PTPRT: variants seen among roughly 807,000 people sequenced by gnomAD.
PTPRT encodes the protein receptor-type tyrosine-protein phosphatase T.
Under a neutral mutation model 176.8 loss-of-function variants are expected in PTPRT, and 56 were observed. The observed-to-expected ratio is 0.32, with a 90% CI of 0.26 to 0.40. PTPRT has a LOEUF of 0.40. Ranked by LOEUF, PTPRT falls within the 10% of genes least tolerant of loss-of-function variation. The probability of loss-of-function intolerance (pLI) is 1.00; values close to 1 mark genes in which losing one functional copy is unlikely to be tolerated. For synonymous variants in PTPRT, 783 were observed against 739.0 expected (o/e 1.06, Z -0.96); for missense variants, 1,540 against 1,908.2 (o/e 0.81, Z 3.60).
chr20:42,434,305 C>T (rs1472275793), intron 9 of PTPRT, among the ~76,000 whole-genome samples: 1 of 150,684 alleles, frequency 6.6e-6, no homozygotes, highest in Admixed American at 6.6e-5. Flanking sequence ...TTGCCTTAAC[C>T]TTGACTCAAG....
intron 7 of PTPRT, among the ~76,000 whole-genome samples, chr20:42,496,665 C>T (rs2071660156): frequency 6.7e-6 from 1 of 150,118 alleles, no homozygotes; most frequent in Admixed American, 6.6e-5. Flanking sequence ...GCCATATCCA[C>T]AATCTCTTTC....
At position 42,528,956 on chromosome 20, in the gene PTPRT, C is replaced by G. The variant is rs1323098983; in HGVS notation, c.1154-56394G>C. Among the ~76,000 whole-genome samples, 5 of 152,320 alleles carry G rather than the reference C, an allele frequency of 3.3e-5. No individual in the cohort carries two copies. The East Asian group carries it at 9.6e-4, about 29-fold the overall frequency. On this transcript the variant is annotated intron_variant, in intron 7 of 30. Transcript: ENST00000373187. ...TTTGTGTCCTGACTTTTTGTTCATACAACTCGCTCTCTATGACCGTGTCAA... is the reference window on the plus strand; with the variant it reads ...TTTGTGTCCTGACTTTTTGTTCATAGAACTCGCTCTCTATGACCGTGTCAA...
intron 2 of PTPRT, among the ~76,000 whole-genome samples, chr20:42,837,159 G>C (rs898324914): frequency 1.3e-5 from 2 of 152,212 alleles, no homozygotes; most frequent in South Asian, 4.1e-4. Context: ...CAGGAGCTGG[G>C]GGTGGGCCCT....
intron 17 of PTPRT, among the ~76,000 whole-genome samples, chr20:42,153,490 G>C (rs1289857100): frequency 1.3e-5 from 2 of 152,106 alleles, no homozygotes; most frequent in Non-Finnish European, 1.5e-5. Context: ...TGCTCACTTG[G>C]TTGGGGGAGA....
At chr20:42,413,141 C>T (rs1436054409) in intron 9 of PTPRT, among the ~76,000 whole-genome samples, 1 of 151,960 alleles carries the variant, frequency 6.6e-6, no homozygotes, top group East Asian at 1.9e-4. Context: ...TTTGCCCAAC[C>T]CTACCACCAT....
At chr20:43,133,974 A>G (rs2013735296) in intron 1 of PTPRT, among the ~76,000 whole-genome samples, 1 of 152,122 alleles carries the variant, frequency 6.6e-6, no homozygotes, top group Non-Finnish European at 1.5e-5. Context: ...CCTGCATTAG[A>G]AAAAAGACTG....
At chr20:42,402,814 GT>G (rs2058922164) in intron 9 of PTPRT, among the ~76,000 whole-genome samples, 1 of 151,618 alleles carries the variant, frequency 6.6e-6, no homozygotes. Context: ...GTTTGGGGGT[GT>G]GTGTGTGTGC....
At chr20:42,525,870 T>G (rs1196827398) in intron 7 of PTPRT, among the ~76,000 whole-genome samples, 1 of 152,176 alleles carries the variant, frequency 6.6e-6, no homozygotes, top group Non-Finnish European at 1.5e-5. Flanking sequence ...CCTGAAATTG[T>G]GTGTTTATAT....
intron 7 of PTPRT, among the ~76,000 whole-genome samples, chr20:42,592,316 C>T (rs2073594404): frequency 6.6e-6 from 1 of 152,108 alleles, no homozygotes; most frequent in African/African-American, 2.4e-5. Flanking sequence ...GGCCAGGCGC[C>T]GACTGGATAA....
chr20:42,848,130 A>G (rs2078407956), intron 2 of PTPRT, among the ~76,000 whole-genome samples: 1 of 152,180 alleles, frequency 6.6e-6, no homozygotes, highest in African/African-American at 2.4e-5. Flanking sequence ...ATGGTCTCCA[A>G]TTCCATCTAG....
chr20:42,561,694 T>C (rs546133289), intron 7 of PTPRT, among the ~76,000 whole-genome samples: 1 of 152,318 alleles, frequency 6.6e-6, no homozygotes, highest in Non-Finnish European at 1.5e-5. Flanking sequence ...TTTGCCAAGC[T>C]AGATGTGCTA....
At position 42,439,231 on chromosome 20, in the gene PTPRT, G is replaced by A. The variant is rs578005766; in HGVS notation, c.1560+8989C>T. On this transcript the variant is annotated intron_variant, in intron 9 of 30. Coordinates refer to ENST00000373187, the MANE Select transcript of PTPRT (RefSeq NM_007050.6). ...CCCTGACTTTTAAGATTTAGGGAAG[G>A]CCTCTGGGCAAATCTATTGTTTTGT... Among the ~76,000 whole-genome samples, 9 of 152,240 alleles carry A rather than the reference G, an allele frequency of 5.9e-5. No homozygotes were observed. The South Asian group carries it at 1.2e-3, about 21-fold the overall frequency.
intron 7 of PTPRT, among the ~76,000 whole-genome samples, chr20:42,550,350 G>C (rs1295453558): frequency 6.6e-6 from 1 of 152,142 alleles, no homozygotes; most frequent in Non-Finnish European, 1.5e-5. Context: ...GAAGGGAAAG[G>C]GGAGAGAGGG....
At position 43,163,555 on chromosome 20, in the gene PTPRT, G is replaced by A. The variant is rs990629151; in HGVS notation, c.88+26091C>T. 9.9e-5 allele frequency among the ~76,000 whole-genome samples: 15 copies of A among 151,992 alleles called. No homozygotes were observed. In the East Asian group the frequency reaches 1.4e-3, roughly 14 times the overall value. On this transcript the variant is annotated intron_variant, in intron 1 of 30. Transcript: ENST00000373187. Reference sequence around the variant, plus strand: ...CAGGAGGCTGTGGCAGGAGAATGGCGTGAACCCAGGAGGCAGAGCTTGCAG... The same window carrying A: ...CAGGAGGCTGTGGCAGGAGAATGGCATGAACCCAGGAGGCAGAGCTTGCAG...
At chr20:42,781,059 C>T (rs1346061009) in intron 3 of PTPRT, among the ~76,000 whole-genome samples, 1 of 152,110 alleles carries the variant, frequency 6.6e-6, no homozygotes, top group Non-Finnish European at 1.5e-5. Flanking sequence ...TCCATTTTCC[C>T]ATACTCCGGC....
At chr20:42,096,792 G>GGCC (rs1401966360) in intron 27 of PTPRT, among the ~76,000 whole-genome samples, 1 of 145,668 alleles carries the variant, frequency 6.9e-6, no homozygotes, top group African/African-American at 2.5e-5. Flanking sequence ...TAGAGACAGG[G>GGCC]TCTCATGGTG....
chr20:42,116,127 AC>A (rs1313320876), intron 21 of PTPRT: 3 of 715,802 alleles, frequency 4.2e-6, no homozygotes, highest in African/African-American at 3.5e-5. Flanking sequence ...AAAACAAGAA[AC>A]AAAAAACAAA....
intron 6 of PTPRT, among the ~76,000 whole-genome samples, chr20:42,689,765 T>G (rs1569086445): frequency 6.6e-6 from 1 of 152,034 alleles, no homozygotes; most frequent in East Asian, 1.9e-4. Flanking sequence ...GAAGATGCTA[T>G]GTTCTGGCTG....
chr20:42,426,432 C>T (rs547934654), intron 9 of PTPRT, among the ~76,000 whole-genome samples: 1 of 152,248 alleles, frequency 6.6e-6, no homozygotes, highest in East Asian at 1.9e-4. Flanking sequence ...CCCTTTCCAC[C>T]TCCCCATCCA....
Sources: allele counts gnomAD v4.1 joint callset (sites outside exome capture counted in the v4.1 genomes callset), GRCh38; gene constraint gnomAD v4.1.1; transcripts MANE v1.5; gene names NCBI Gene and HGNC (gene_info 2026-07-23, HGNC 2026-07-21).